Variants in PTPRG observed in about 807,000 individuals in gnomAD.
PTPRG encodes protein tyrosine phosphatase receptor type G.
In PTPRG, 102 loss-of-function variants were observed where a neutral mutation model predicts 165.3. That is an observed-to-expected ratio of 0.62 (90% CI 0.53 to 0.73). The LOEUF (loss-of-function observed/expected upper bound fraction) is 0.73. PTPRG is among the 30% of genes least tolerant of loss of function. The pLI is 0.00. For missense variants in PTPRG, 1,866 were observed against 1,861.4 expected (o/e 1.00, Z -0.05); for synonymous variants, 675 against 669.5 (o/e 1.01, Z -0.13).
chr3:61,699,720 G>T (rs542685950), intron 1 of PTPRG, among the ~76,000 whole-genome samples: 7 of 152,266 alleles, frequency 4.6e-5, no homozygotes, highest in African/African-American at 1.4e-4. Context: ...CATCACAATA[G>T]AGTTTTACTA....
chr3:62,135,399 C>T (rs1448850567), intron 6 of PTPRG, among the ~76,000 whole-genome samples: 2 of 152,128 alleles, frequency 1.3e-5, no homozygotes, highest in Non-Finnish European at 2.9e-5. Context: ...ATGTCCTTCA[C>T]AGTCTCTGGC....
chr3:62,049,771 A>G (rs1028329308), intron 4 of PTPRG, among the ~76,000 whole-genome samples: 5 of 152,196 alleles, frequency 3.3e-5, no homozygotes, highest in East Asian at 1.9e-4. Flanking sequence ...GAAGGAAGAT[A>G]TTACTGAGCT....
At chr3:61,796,587 A>G (rs1317351944) in intron 2 of PTPRG, among the ~76,000 whole-genome samples, 1 of 152,168 alleles carries the variant, frequency 6.6e-6, no homozygotes, top group African/African-American at 2.4e-5. Context: ...ATAGGATAGC[A>G]TGGTGGGGAG....
At chr3:61,939,760 T>C (rs985011208) in intron 2 of PTPRG, among the ~76,000 whole-genome samples, 1 of 152,118 alleles carries the variant, frequency 6.6e-6, no homozygotes, top group African/African-American at 2.4e-5. Context: ...TTTTGCCCTT[T>C]CATGAAGAGA....
chr3:62,258,426 G>C (rs2106997665), intron 16 of PTPRG, among the ~76,000 whole-genome samples: 1 of 152,172 alleles, frequency 6.6e-6, no homozygotes, highest in South Asian at 2.1e-4. Flanking sequence ...ACAGAAACAG[G>C]ACAAAGCAAA....
intron 2 of PTPRG, among the ~76,000 whole-genome samples, chr3:61,928,257 C>T (rs2039275530): frequency 6.6e-6 from 1 of 152,076 alleles, no homozygotes; most frequent in African/African-American, 2.4e-5. Flanking sequence ...CCCAAGAAAC[C>T]TTGTAAGTGT....
chr3:62,159,856 G>A (rs1397175495), intron 7 of PTPRG, among the ~76,000 whole-genome samples: 2 of 152,176 alleles, frequency 1.3e-5, no homozygotes, highest in Admixed American at 6.5e-5. Flanking sequence ...TGGCCAAACT[G>A]GATCCTTGCT....
intron 14 of PTPRG, among the ~76,000 whole-genome samples, chr3:62,241,805 T>C (rs1226672681): frequency 6.6e-6 from 1 of 152,230 alleles, no homozygotes; most frequent in Admixed American, 6.5e-5. Context: ...GCATTTGTTT[T>C]TTTCAAGTTA....
intron 1 of PTPRG, among the ~76,000 whole-genome samples, chr3:61,719,385 CGA>C (rs2031952887): frequency 6.6e-6 from 1 of 152,086 alleles, no homozygotes; most frequent in South Asian, 2.1e-4. Flanking sequence ...TGACTGGTGT[CGA>C]GGTCTTTTCT....
chr3:61,716,534 T>C (rs1293875155), intron 1 of PTPRG, among the ~76,000 whole-genome samples: 1 of 151,962 alleles, frequency 6.6e-6, no homozygotes, highest in Non-Finnish European at 1.5e-5. Flanking sequence ...TTACTCATCT[T>C]ATGTGTCCCC....
At chr3:61,860,959 CCTGTCCCCATCT>C (rs1231967082) in intron 2 of PTPRG, among the ~76,000 whole-genome samples, 1 of 152,096 alleles carries the variant, frequency 6.6e-6, no homozygotes, top group Non-Finnish European at 1.5e-5. Flanking sequence ...ACCCCCCTTC[CCTGTCCCCATCT>C]CTGTCCCCAA....
Position 61,767,240 on chromosome 3 carries a change from C to CAAAAAAAAA in PTPRG, c.190+18267_190+18275dup, listed in dbSNP as rs71100976. On this transcript the variant is annotated intron_variant, in intron 2 of 29. Transcript: ENST00000474889. Reference sequence around the variant, plus strand: ...GCCTTGTGACAGCAAGATTCCATCTCAAAAAAAAAAAAAAAAAGAAAGTAG... The same window carrying CAAAAAAAAA: ...GCCTTGTGACAGCAAGATTCCATCTCAAAAAAAAAAAAAAAAAAAAAAAAAAGAAAGTAG... Among the ~76,000 whole-genome samples, 4 of 111,528 alleles carry CAAAAAAAAA rather than the reference C, an allele frequency of 3.6e-5. 1 individual carries two copies. Among genetic ancestry groups the CAAAAAAAAA allele is most frequent in the African/African-American group, 1.4e-4 (4 of 29,540 alleles). 73.2% of individuals were successfully genotyped at this position (111,528 alleles called of 152,430 possible).
chr3:61,754,272 G>A (rs1022502719), intron 2 of PTPRG, among the ~76,000 whole-genome samples: 4 of 152,210 alleles, frequency 2.6e-5, no homozygotes, highest in African/African-American at 7.2e-5. Context: ...TTGCTCAGCT[G>A]TAAAATGGAG....
chr3:61,595,453 G>A (rs568798206), intron 1 of PTPRG, among the ~76,000 whole-genome samples: 2 of 152,360 alleles, frequency 1.3e-5, no homozygotes, highest in African/African-American at 4.8e-5. Context: ...TGGGTCAGCA[G>A]TGTTGCAATT....
In PTPRG at chr3:62,277,585, A is replaced by G. The variant is rs1181871959; in HGVS notation, c.3671A>G (p.Gln1224Arg). 1 of 1,612,330 alleles carries G rather than the reference A, an allele frequency of 6.2e-7. No homozygotes were observed. Among genetic ancestry groups the G allele is most frequent in the Non-Finnish European group, 8.5e-7 (1 of 1,179,230 alleles). ...AGGAGCAATGAATTTATTATAACTCAGCATCCTCTGCCACATACTACGAAA... is the reference window on the plus strand; with the variant it reads ...AGGAGCAATGAATTTATTATAACTCGGCATCCTCTGCCACATACTACGAAA... ...YYRSNEFIIT[Q>R]HPLPHTTKDF... The change falls in exon 26 of 30, where the codon CAG becomes CGG. Residue 1224 changes from glutamine to arginine, a missense_variant. Transcript: ENST00000474889.
At chr3:61,739,746 C>T (rs1261946182) in intron 1 of PTPRG, among the ~76,000 whole-genome samples, 1 of 152,120 alleles carries the variant, frequency 6.6e-6, no homozygotes. Context: ...TATGATTGGG[C>T]CAGGCCATGG....
intron 1 of PTPRG, among the ~76,000 whole-genome samples, chr3:61,710,146 CTT>C (rs1234468994): frequency 6.6e-6 from 1 of 152,040 alleles, no homozygotes; most frequent in Non-Finnish European, 1.5e-5. Flanking sequence ...GCACGGAAAA[CTT>C]TTGTTTTGAT....
At chr3:62,172,013 A>G (rs969861929) in intron 8 of PTPRG, among the ~76,000 whole-genome samples, 3 of 152,112 alleles carry the variant, frequency 2.0e-5, no homozygotes, top group Non-Finnish European at 4.4e-5. Context: ...ATCATATATG[A>G]CTTTTTTGAC....
intron 1 of PTPRG, among the ~76,000 whole-genome samples, chr3:61,688,439 C>A (rs1186919361): frequency 6.6e-6 from 1 of 152,034 alleles, no homozygotes; most frequent in Non-Finnish European, 1.5e-5. Context: ...TCTCTTTTCT[C>A]AGTCGCCTCC....
Sources: gnomAD v4.1 joint callset for allele counts (sites outside exome capture counted in the v4.1 genomes callset) on GRCh38, gnomAD v4.1.1 for gene constraint, MANE v1.5 for transcripts, NCBI Gene and HGNC (gene_info 2026-07-23, HGNC 2026-07-21) for gene names.